Variants in CACNG6 observed in about 807,000 individuals in gnomAD.
CACNG6 encodes the protein voltage-dependent calcium channel gamma-6 subunit.
Under a neutral mutation model 23.9 loss-of-function variants are expected in CACNG6, and 21 were observed. The observed-to-expected ratio is 0.88, with a 90% CI of 0.62 to 1.26. CACNG6 has a LOEUF of 1.26. Among genes scored for constraint, CACNG6 ranks in the 50% most tolerant of loss-of-function variants. CACNG6 has a pLI of 0.00. For missense variants in CACNG6, 340 were observed against 352.9 expected (o/e 0.96, Z 0.29); for synonymous variants, 182 against 168.9 (o/e 1.08, Z -0.60).
In CACNG6 at chr19:54,012,272, C is replaced by G. The variant is rs2069727007; in HGVS notation, c.*83C>G. 3.4e-6 allele frequency: 2 copies of G among 590,062 alleles called. No homozygotes were observed. Among genetic ancestry groups the G allele is most frequent in the Non-Finnish European group, 5.5e-6 (2 of 363,818 alleles). The allele number at this position is 590,062 out of a possible 1,614,324, so 36.6% of individuals were successfully genotyped here. On this transcript the variant is annotated 3_prime_UTR_variant, in exon 4 of 4. Transcript: ENST00000252729. Reference sequence around the variant, plus strand: ...CCCCCAAGATCTTTTTGCCCCATCTCCTAGAGAAACTGTGTTCTCCCTGCT... The same window carrying G: ...CCCCCAAGATCTTTTTGCCCCATCTGCTAGAGAAACTGTGTTCTCCCTGCT...
At chr19:54,011,919 C>T (rs113483278) in intron 3 of CACNG6, 32 bp from the exon 4 acceptor site, 31 of 1,401,244 alleles carry the variant, frequency 2.2e-5, no homozygotes, top group Non-Finnish European at 2.9e-5. Flanking sequence ...GGGTCGCGGG[C>T]GTCTGACTGC....
At chr19:53,995,050 G>A (rs536497204) in intron 1 of CACNG6, among the ~76,000 whole-genome samples, 1 of 152,132 alleles carries the variant, frequency 6.6e-6, no homozygotes, top group East Asian at 1.9e-4. Context: ...CTAGAGAAGA[G>A]AAAAATGAGG....
chr19:54,002,507 A>G (rs1382588061), intron 3 of CACNG6, among the ~76,000 whole-genome samples: 1 of 132,682 alleles, frequency 7.5e-6, no homozygotes, highest in African/African-American at 2.9e-5. Flanking sequence ...TTACTTGTCC[A>G]TTCATTTAAC....
intron 1 of CACNG6, among the ~76,000 whole-genome samples, chr19:53,995,539 T>C (rs78656543): frequency 0.025 from 3,798 of 152,276 alleles, 168 homozygotes; most frequent in African/African-American, 0.088. Context: ...CAAAAGAGGA[T>C]GCCAGGCAAC....
chr19:54,009,783 T>A (rs375181), intron 3 of CACNG6, among the ~76,000 whole-genome samples: 40,434 of 147,356 alleles, frequency 0.27, 5,737 homozygotes, highest in East Asian at 0.45. Context: ...TTGCTTTTTT[T>A]AAAAAAAAAA....
intron 3 of CACNG6, among the ~76,000 whole-genome samples, chr19:54,011,430 C>CAA (rs59105087): frequency 5.1e-4 from 51 of 100,426 alleles, no homozygotes; most frequent in Non-Finnish European, 7.4e-4. Flanking sequence ...GACTCCGTCT[C>CAA]AAAAAAAAAA....
intron 3 of CACNG6, among the ~76,000 whole-genome samples, chr19:54,002,051 C>T (rs1189672191): frequency 6.6e-6 from 1 of 151,744 alleles, no homozygotes; most frequent in Non-Finnish European, 1.5e-5. Context: ...CCCTTCCTTC[C>T]CCTCTCTCTC....
At chr19:53,995,790 T>C (rs1382472765) in intron 1 of CACNG6, among the ~76,000 whole-genome samples, 1 of 152,244 alleles carries the variant, frequency 6.6e-6, no homozygotes, top group Non-Finnish European at 1.5e-5. Context: ...GTCTCCCAAG[T>C]AGCTGGGATT....
rs1008774385 is a variant in CACNG6, at chr19:54,012,211, A to G, written c.*22A>G. On this transcript the variant is annotated 3_prime_UTR_variant, in exon 4 of 4. Coordinates refer to ENST00000252729, the MANE Select transcript of CACNG6 (RefSeq NM_145814.2). The stretch of plus-strand genomic sequence containing the variant: ...CTAGAGCCACGCGTGAGACTTCTCT[A>G]AGCAACCACCGAGCCCTTTGACCTT... The G allele has an allele frequency of 9.1e-6, 10 of 1,102,562 alleles. No homozygotes were observed. The African/African-American group carries it at 1.6e-4, about 18-fold the overall frequency. 68.3% of individuals were successfully genotyped at this position (1,102,562 alleles called of 1,614,324 possible).
At chr19:54,005,186 G>A (rs2069627055) in intron 3 of CACNG6, among the ~76,000 whole-genome samples, 1 of 149,666 alleles carries the variant, frequency 6.7e-6, no homozygotes, top group South Asian at 2.1e-4. Flanking sequence ...TCCAGCCTGG[G>A]CGACAGAGCG....
chr19:53,993,214 C>G lies in CACNG6; in HGVS notation c.331+6C>G. The G allele has an allele frequency of 2.6e-6, 4 of 1,533,594 alleles. No individual in the cohort carries two copies. Among genetic ancestry groups the G allele is most frequent in the Non-Finnish European group, 3.5e-6 (4 of 1,143,620 alleles). 95.0% of individuals were successfully genotyped at this position (1,533,594 alleles called of 1,614,324 possible). A position where few individuals can be genotyped will look rare whatever the true frequency, so the allele number is the denominator to read the frequency against. On this transcript the variant is annotated splice_donor_region_variant and intron_variant, in intron 1 of 3. Coordinates refer to ENST00000252729, the MANE Select transcript of CACNG6 (RefSeq NM_145814.2). ...CCCCGCGGAGCTGCCCGGAGGTGAG[C>G]AGCCGCCGCCCCGAGCGCAGGGCTT...
chr19:54,006,139 A>T (rs2145964663), intron 3 of CACNG6, among the ~76,000 whole-genome samples: 1 of 124,094 alleles, frequency 8.1e-6, no homozygotes, highest in African/African-American at 2.7e-5. Flanking sequence ...AAGAAAGAAG[A>T]CTCATTTCTA....
chr19:54,005,965 C>T lies in CACNG6; in HGVS notation c.545-5986C>T, dbSNP rs1281202017. Among the ~76,000 whole-genome samples, 19 of 151,548 alleles carry T rather than the reference C, an allele frequency of 1.3e-4. No individual in the cohort carries two copies. The South Asian group carries it at 3.7e-3, about 30-fold the overall frequency. On this transcript the variant is annotated intron_variant, in intron 3 of 3. Coordinates refer to ENST00000252729, the MANE Select transcript of CACNG6 (RefSeq NM_145814.2). ...ATTAGCTGGGCGTGGCGGCGGGTGC[C>T]TGTAATCCCAGCAACTCGGGAGGCT...
intron 3 of CACNG6, among the ~76,000 whole-genome samples, chr19:54,009,997 T>C (rs1371569251): frequency 2.0e-5 from 3 of 151,174 alleles, no homozygotes; most frequent in African/African-American, 7.3e-5. Context: ...TCCCCCTCTA[T>C]CACTCTTTTA....
Position 53,993,024 on chromosome 19 carries a change from C to A in CACNG6, c.147C>A (p.Gly49=). The change falls in exon 1 of 4, where the codon GGC becomes GGA. Residue 49 remains glycine, a synonymous_variant. Transcript: ENST00000252729. ...VKLALLLAAV[G]ATLAVLSVGT... Reference sequence around the variant, plus strand: ...TGGCGCTGCTGCTGGCCGCCGTGGGCGCCACGCTGGCGGTGCTGTCCGTGG... The same window carrying A: ...TGGCGCTGCTGCTGGCCGCCGTGGGAGCCACGCTGGCGGTGCTGTCCGTGG... 1.4e-6 allele frequency: 2 copies of A among 1,469,684 alleles called. No individual in the cohort carries two copies. Among genetic ancestry groups the A allele is most frequent in the South Asian group, 2.7e-5 (2 of 73,092 alleles). 91.0% of individuals were successfully genotyped at this position (1,469,684 alleles called of 1,614,324 possible).
chr19:54,007,751 A>G (rs2069663136), intron 3 of CACNG6, among the ~76,000 whole-genome samples: 1 of 102,002 alleles, frequency 9.8e-6, no homozygotes, highest in Non-Finnish European at 1.9e-5. Flanking sequence ...AAATGAAATA[A>G]TTAGCCATGG....
chr19:53,998,348 G>A (rs773395368), intron 2 of CACNG6, 35 bp downstream of exon 2: 25 of 1,585,188 alleles, frequency 1.6e-5, no homozygotes, highest in Non-Finnish European at 2.1e-5. Context: ...GGTGACAGGT[G>A]GGGGAAATGC....
At chr19:54,003,879 A>G (rs1427772485) in intron 3 of CACNG6, among the ~76,000 whole-genome samples, 1 of 152,066 alleles carries the variant, frequency 6.6e-6, no homozygotes, top group East Asian at 1.9e-4. Flanking sequence ...ATTTTTTAAG[A>G]CAGGGTCTGG....
intron 1 of CACNG6, 114 bp from the exon 2 acceptor site, chr19:53,998,125 C>A: frequency 1.2e-6 from 1 of 823,416 alleles, no homozygotes; most frequent in Non-Finnish European, 2.0e-6. Flanking sequence ...CTCTGTGTAT[C>A]AGGGATGCTG....
Sources: gnomAD v4.1 joint callset for allele counts (sites outside exome capture counted in the v4.1 genomes callset) on GRCh38, gnomAD v4.1.1 for gene constraint, MANE v1.5 for transcripts, NCBI Gene and HGNC (gene_info 2026-07-23, HGNC 2026-07-21) for gene names.